Variants in PELI2 observed in about 807,000 individuals in gnomAD.
PELI2 encodes the protein E3 ubiquitin-protein ligase pellino homolog 2.
PELI2 carries 23 observed loss-of-function variants against 42.3 expected under a neutral mutation model. The observed-to-expected ratio is 0.54, with a 90% CI of 0.39 to 0.77. The LOEUF is 0.77. PELI2 is among the 30% of genes least tolerant of loss of function. PELI2 has a pLI of 0.00. For synonymous variants in PELI2, 245 were observed against 212.2 expected (o/e 1.15, Z -1.34); for missense variants, 463 against 553.2 (o/e 0.84, Z 1.64).
chr14:56,198,421 A>T (rs539354730), intron 2 of PELI2, among the ~76,000 whole-genome samples: 1 of 152,204 alleles, frequency 6.6e-6, no homozygotes, highest in Non-Finnish European at 1.5e-5. Context: ...GCGTGGCATC[A>T]TGGAGCATGA....
intron 1 of PELI2, among the ~76,000 whole-genome samples, chr14:56,131,024 A>G (rs1011005454): frequency 6.6e-6 from 1 of 152,200 alleles, no homozygotes; most frequent in Non-Finnish European, 1.5e-5. Flanking sequence ...GCCTGGGACT[A>G]ACGTCGCTGT....
intron 2 of PELI2, among the ~76,000 whole-genome samples, chr14:56,214,145 G>A (rs998074142): frequency 6.6e-6 from 1 of 152,138 alleles, no homozygotes; most frequent in East Asian, 1.9e-4. Flanking sequence ...GAGCCACTGC[G>A]CCTGGCCACA....
At chr14:56,204,394 G>C (rs1175883116) in intron 2 of PELI2, among the ~76,000 whole-genome samples, 1 of 152,188 alleles carries the variant, frequency 6.6e-6, no homozygotes, top group East Asian at 1.9e-4. Context: ...TGGCAGCTAA[G>C]AGAGCCGGAA....
chr14:56,133,393 A>G (rs1883567799), intron 1 of PELI2, among the ~76,000 whole-genome samples: 1 of 152,220 alleles, frequency 6.6e-6, no homozygotes, highest in Non-Finnish European at 1.5e-5. Context: ...TTAACAGGAT[A>G]TATGGGAGAA....
intron 2 of PELI2, among the ~76,000 whole-genome samples, chr14:56,254,032 A>G (rs1186302925): frequency 6.6e-6 from 1 of 152,226 alleles, no homozygotes; most frequent in East Asian, 1.9e-4. Context: ...AGCTTCAGAA[A>G]TAATACCACA....
chr14:56,206,376 GT>G (rs1472867342), intron 2 of PELI2, among the ~76,000 whole-genome samples: 1 of 152,116 alleles, frequency 6.6e-6, no homozygotes, highest in Non-Finnish European at 1.5e-5. Flanking sequence ...TCTTCTACCT[GT>G]CCCAACTTTA....
At position 56,298,657 on chromosome 14, in the gene PELI2, A is replaced by G. The variant is rs1890086933; in HGVS notation, c.*1491A>G. ...TTTCGTATTTTGCCTACTGGCAAATATTTTGCCTATTTTCAGTCGTTCTAA... is the reference window on the plus strand; with the variant it reads ...TTTCGTATTTTGCCTACTGGCAAATGTTTTGCCTATTTTCAGTCGTTCTAA... On this transcript the variant is annotated 3_prime_UTR_variant, in exon 6 of 6. Coordinates refer to ENST00000267460, the MANE Select transcript of PELI2 (RefSeq NM_021255.3). The G allele has an allele frequency of 6.6e-6, 1 of 152,562 alleles. No homozygotes were observed. The highest frequency in any genetic ancestry group is 1.5e-5 in the Non-Finnish European group (1 of 68,028). 9.5% of individuals were successfully genotyped at this position (152,562 alleles called of 1,614,324 possible). A position where few individuals can be genotyped will look rare whatever the true frequency, so the allele number is the denominator to read the frequency against.
At chr14:56,268,666 G>A (rs1001182232) in intron 2 of PELI2, among the ~76,000 whole-genome samples, 1 of 152,114 alleles carries the variant, frequency 6.6e-6, no homozygotes, top group Non-Finnish European at 1.5e-5. Context: ...GTTGTTCAGG[G>A]TCACTTTCTC....
At chr14:56,280,949 A>G (rs242593) in intron 3 of PELI2, among the ~76,000 whole-genome samples, 132,290 of 152,028 alleles carry the variant, frequency 0.87, 57,981 homozygotes, top group Non-Finnish European at 0.93. Context: ...ATAAATATAT[A>G]AAATAGTTTT....
chr14:56,242,607 C>G (rs1359501608), intron 2 of PELI2, among the ~76,000 whole-genome samples: 1 of 152,182 alleles, frequency 6.6e-6, no homozygotes, highest in Non-Finnish European at 1.5e-5. Context: ...GCCTAAATGT[C>G]CATCAGTCAG....
At chr14:56,189,216 C>T (rs375246157) in intron 2 of PELI2, among the ~76,000 whole-genome samples, 1 of 152,130 alleles carries the variant, frequency 6.6e-6, no homozygotes, top group East Asian at 1.9e-4. Context: ...GGTTATTGTA[C>T]AGTAACAACT....
chr14:56,155,578 A>C (rs751659611), intron 1 of PELI2, among the ~76,000 whole-genome samples: 1 of 139,262 alleles, frequency 7.2e-6, no homozygotes, highest in South Asian at 2.2e-4. Flanking sequence ...TTCTCAAGTA[A>C]TACATTTTTT....
intron 2 of PELI2, among the ~76,000 whole-genome samples, chr14:56,221,709 G>T (rs890235682): frequency 6.6e-6 from 1 of 152,190 alleles, no homozygotes; most frequent in Admixed American, 6.5e-5. Context: ...TGAAACCATC[G>T]GTGAATGGGT....
At chr14:56,225,302 T>TCCAGGAAGATTCCTGAGGTA in intron 2 of PELI2, among the ~76,000 whole-genome samples, 1 of 152,048 alleles carries the variant, frequency 6.6e-6, no homozygotes, top group Non-Finnish European at 1.5e-5. Context: ...GGCTGGCTGC[T>TCCAGGAAGATTCCTGAGGTA]CCAGGAAGAT....
At chr14:56,285,856 C>T (rs760613136) in intron 3 of PELI2, among the ~76,000 whole-genome samples, 27 of 152,056 alleles carry the variant, frequency 1.8e-4, no homozygotes, top group Non-Finnish European at 2.5e-4. Context: ...TGAAGGAAAG[C>T]GTTTTTAAAG....
chr14:56,167,619 T>C (rs1346033114), intron 1 of PELI2, among the ~76,000 whole-genome samples: 1 of 152,264 alleles, frequency 6.6e-6, no homozygotes, highest in East Asian at 1.9e-4. Context: ...AACAGCTATT[T>C]TGCATTCTCT....
intron 2 of PELI2, among the ~76,000 whole-genome samples, chr14:56,257,311 A>C (rs1402915494): frequency 6.6e-6 from 1 of 152,226 alleles, no homozygotes; most frequent in Admixed American, 6.5e-5. Context: ...GAAGTAAGTA[A>C]GTAAAATAAA....
chr14:56,276,119 A>G (rs1889282513), intron 2 of PELI2, among the ~76,000 whole-genome samples: 2 of 152,206 alleles, frequency 1.3e-5, no homozygotes, highest in African/African-American at 4.8e-5. Flanking sequence ...GATACTTCTA[A>G]CAAAAAGTTC....
intron 1 of PELI2, among the ~76,000 whole-genome samples, chr14:56,166,919 C>G (rs1387993912): frequency 1.3e-5 from 2 of 152,188 alleles, no homozygotes; most frequent in East Asian, 3.9e-4. Flanking sequence ...TCCTGAGTAG[C>G]TAGGACTACA....
Sources: allele counts gnomAD v4.1 joint callset (sites outside exome capture counted in the v4.1 genomes callset), GRCh38; gene constraint gnomAD v4.1.1; transcripts MANE v1.5; gene names NCBI Gene and HGNC (gene_info 2026-07-23, HGNC 2026-07-21).